Variants in CREB5 observed in about 807,000 individuals in gnomAD.
CREB5 encodes the protein cyclic AMP-responsive element-binding protein 5.
A neutral mutation model predicts 57.1 loss-of-function variants in CREB5; 19 were observed. The observed-to-expected ratio is 0.33, with a 90% CI of 0.23 to 0.49. The LOEUF is 0.49. CREB5 is among the 20% of genes least tolerant of loss of function. CREB5 has a pLI of 0.99. For missense variants in CREB5, 579 were observed against 671.6 expected, an observed-to-expected ratio of 0.86 and a Z score of 1.52; for synonymous variants, 238 against 238.3, an observed-to-expected ratio of 1.00 and a Z score of 0.01.
chr7:28,809,548 C>A, intron 9 of CREB5, 134 bp downstream of exon 9: 1 of 774,798 alleles, frequency 1.3e-6, no homozygotes, highest in Non-Finnish European at 2.0e-6. Flanking sequence ...AGCCCCACTC[C>A]TCGAGTTTTA....
intron 1 of CREB5, among the ~76,000 whole-genome samples, chr7:28,399,563 C>G (rs1346728439): frequency 6.6e-6 from 1 of 152,026 alleles, no homozygotes; most frequent in African/African-American, 2.4e-5. Flanking sequence ...ATAAATAGTG[C>G]TGGGAAAACT....
At chr7:28,515,704 T>G (rs970468217) in intron 4 of CREB5, among the ~76,000 whole-genome samples, 8 of 152,148 alleles carry the variant, frequency 5.3e-5, no homozygotes, top group Non-Finnish European at 1.0e-4. Flanking sequence ...CCTCAGATCT[T>G]CCCTTTATTT....
chr7:28,804,441 C>T lies in CREB5; in HGVS notation c.945C>T (p.His315=). Residue 315 remains histidine (H), a synonymous_variant, in exon 8 of 11, where the codon CAC becomes CAT. Coordinates refer to ENST00000357727, the MANE Select transcript of CREB5 (RefSeq NM_182898.4). ...ACCAGCAGAACCATCCACATCACCACTCCCATTCCCACCTTCATGCACACC... is the reference window on the plus strand; with the variant it reads ...ACCAGCAGAACCATCCACATCACCATTCCCATTCCCACCTTCATGCACACC... ...PHHQQNHPHH[H]SHSHLHAHPA... is the part of the protein sequence containing the mutation. 1.2e-6 allele frequency: 2 copies of T among 1,614,146 alleles called. No homozygotes were observed. Among genetic ancestry groups the T allele is most frequent in the South Asian group, 2.2e-5 (2 of 91,072 alleles).
intron 4 of CREB5, among the ~76,000 whole-genome samples, chr7:28,551,045 G>T (rs1266094667): frequency 2.6e-5 from 4 of 152,072 alleles, no homozygotes; most frequent in Non-Finnish European, 5.9e-5. Flanking sequence ...TATCAAATTT[G>T]CCAATGATTA....
intron 1 of CREB5, among the ~76,000 whole-genome samples, chr7:28,427,993 G>T (rs2054321824): frequency 6.6e-6 from 1 of 152,172 alleles, no homozygotes; most frequent in South Asian, 2.1e-4. Context: ...TAAAAAGAAA[G>T]ATAAAGCCAG....
intron 5 of CREB5, among the ~76,000 whole-genome samples, chr7:28,694,547 T>C (rs1211112313): frequency 6.6e-6 from 1 of 152,182 alleles, no homozygotes; most frequent in Non-Finnish European, 1.5e-5. Flanking sequence ...AATCATCTTA[T>C]AATTCTTTTT....
At chr7:28,721,600 T>G (rs1159453284) in intron 6 of CREB5, among the ~76,000 whole-genome samples, 1 of 152,222 alleles carries the variant, frequency 6.6e-6, no homozygotes, top group Non-Finnish European at 1.5e-5. Context: ...TAATGCATGC[T>G]GCTGGACCAC....
chr7:28,380,113 A>G (rs1396622337), intron 1 of CREB5, among the ~76,000 whole-genome samples: 1 of 152,188 alleles, frequency 6.6e-6, no homozygotes, highest in Non-Finnish European at 1.5e-5. Flanking sequence ...TTTGAAGACT[A>G]CTGCTGTAGG....
At chr7:28,575,731 G>A (rs1392501271) in intron 5 of CREB5, among the ~76,000 whole-genome samples, 1 of 152,166 alleles carries the variant, frequency 6.6e-6, no homozygotes, top group Non-Finnish European at 1.5e-5. Context: ...TAGCTTTATT[G>A]TTGGAAAGTT....
At chr7:28,618,844 A>C (rs1797688105) in intron 5 of CREB5, among the ~76,000 whole-genome samples, 1 of 152,230 alleles carries the variant, frequency 6.6e-6, no homozygotes, top group Admixed American at 6.5e-5. Flanking sequence ...AGAAAGAATA[A>C]ATTACTTGCA....
At position 28,456,526 on chromosome 7, in the gene CREB5, T is replaced by C. The variant is rs116722464; in HGVS notation, c.4-31649T>C. 5.0e-3 allele frequency among the ~76,000 whole-genome samples: 754 copies of C among 152,210 alleles called. 7 individuals carry two copies. The highest frequency in any genetic ancestry group is 0.018 in the African/African-American group (732 of 41,518). ...CTTTGGCTGGGGTGGGGGGCTTCAT[T>C]GTGAAGGATTGCCTGCTAATGGGGG... On this transcript the variant is annotated intron_variant, in intron 1 of 10. Coordinates refer to ENST00000357727, the MANE Select transcript of CREB5 (RefSeq NM_182898.4).
chr7:28,488,883 G>A (rs1276242254), intron 2 of CREB5, among the ~76,000 whole-genome samples: 3 of 152,128 alleles, frequency 2.0e-5, no homozygotes, highest in Admixed American at 6.5e-5. Context: ...CACACAATAC[G>A]AGCTCAATTA....
chr7:28,400,543 T>C (rs928208618), intron 1 of CREB5, among the ~76,000 whole-genome samples: 1 of 152,186 alleles, frequency 6.6e-6, no homozygotes, highest in East Asian at 1.9e-4. Flanking sequence ...GGCATTGTTA[T>C]GAAAGCTATA....
In CREB5 at chr7:28,494,975, A is replaced by T. The variant is rs775117095; in HGVS notation, c.145A>T (p.Ile49Leu). Residue 49 changes from isoleucine to leucine, a missense_variant, in exon 3 of 11, where the codon ATA (isoleucine) becomes TTA (leucine). By Grantham distance (5) the Ile-to-Leu change is conservative. This residue lies in a region of CREB5 where 459 missense variants were observed against 515.7 expected (regional missense o/e 0.89). Transcript: ENST00000357727. ...KHEMTLKFPS[I>L]KTDNMLSDQT... Reference sequence around the variant, plus strand: ...TGAAATGACTTTGAAGTTTCCTTCAATAAAAACAGACAATATGTTATCAGG... The same window carrying T: ...TGAAATGACTTTGAAGTTTCCTTCATTAAAAACAGACAATATGTTATCAGG... 6 of 1,609,136 alleles carry T rather than the reference A, an allele frequency of 3.7e-6. No individual in the cohort carries two copies. Among genetic ancestry groups the T allele is most frequent in the Non-Finnish European group, 5.1e-6 (6 of 1,178,982 alleles).
intron 9 of CREB5, among the ~76,000 whole-genome samples, chr7:28,814,585 C>T (rs1809313657): frequency 6.6e-6 from 1 of 152,096 alleles, no homozygotes; most frequent in Middle Eastern, 3.2e-3. Context: ...GAATAAAAGT[C>T]AAGATGGACT....
intron 2 of CREB5, among the ~76,000 whole-genome samples, chr7:28,490,885 C>T (rs1791770151): frequency 6.9e-6 from 1 of 144,958 alleles, no homozygotes; most frequent in Non-Finnish European, 1.6e-5. Context: ...TTATGTATTG[C>T]TGTAAACCCT....
At position 28,424,447 on chromosome 7, in the gene CREB5, A is replaced by G. The variant is rs529038308; in HGVS notation, c.3+11530A>G. Among the ~76,000 whole-genome samples, 4 of 152,296 alleles carry G rather than the reference A, an allele frequency of 2.6e-5. No homozygotes were observed. In the East Asian group the frequency reaches 7.7e-4, roughly 29 times the overall value. The stretch of plus-strand genomic sequence containing the variant: ...TAAACCTCAGATAGATCCCTGGAAA[A>G]ACCTGGAACAAGTCTTCGGAGATGG... On this transcript the variant is annotated intron_variant, in intron 1 of 10. Transcript: ENST00000357727.
At chr7:28,406,876 G>C (rs940206028) in intron 1 of CREB5, among the ~76,000 whole-genome samples, 2 of 151,774 alleles carry the variant, frequency 1.3e-5, no homozygotes, top group Non-Finnish European at 2.9e-5. Context: ...TGGGGCTGGG[G>C]GAATTATGGG....
chr7:28,323,595 C>T (rs1236995705), intron 1 of CREB5, among the ~76,000 whole-genome samples: 1 of 152,108 alleles, frequency 6.6e-6, no homozygotes, highest in Non-Finnish European at 1.5e-5. Flanking sequence ...TATCTCCCCT[C>T]CTGTGTCACT....
Sources: gnomAD v4.1 joint callset for allele counts (sites outside exome capture counted in the v4.1 genomes callset) on GRCh38, gnomAD v4.1.1 for gene constraint, gnomAD v4.1.1 regional missense constraint, MANE v1.5 for transcripts, NCBI Gene and HGNC (gene_info 2026-07-23, HGNC 2026-07-21) for gene names.